NLGN4Y: variants seen among roughly 807,000 people sequenced by gnomAD.
The protein encoded by NLGN4Y is neuroligin 4 Y-linked, also known as neuroligin-4, Y-linked.
A neutral mutation model predicts 8.4 loss-of-function variants in NLGN4Y; 4 were observed. The ratio of observed to expected loss-of-function variants is 0.48; its 90% CI spans 0.23 to 1.09. The LOEUF is 1.09. Ranked by LOEUF, NLGN4Y falls within the 50% of genes least tolerant of loss-of-function variation. NLGN4Y has a pLI of 0.19. For synonymous variants in NLGN4Y, 35 were observed against 75.6 expected, an observed-to-expected ratio of 0.46 and a Z score of 2.78; for missense variants, 90 against 192.3, an observed-to-expected ratio of 0.47 and a Z score of 3.15.
chrY:14,608,647 G>T, intron 1 of NLGN4Y, among the ~76,000 whole-genome samples: 1 of 32,354 alleles, frequency 3.1e-5, no homozygotes, highest in Non-Finnish European at 7.6e-5. Flanking sequence ...GATGCCTCTA[G>T]CTTTGTTCTT....
At chrY:14,663,766 T>C in intron 2 of NLGN4Y, among the ~76,000 whole-genome samples, 1 of 32,933 alleles carries the variant, frequency 3.0e-5, no homozygotes, top group Non-Finnish European at 7.5e-5. Flanking sequence ...GCTGTGATTG[T>C]GTCATTGTAC....
chrY:14,533,855 C>T (rs2080122347), intron 1 of NLGN4Y, among the ~76,000 whole-genome samples: 1 of 33,029 alleles, frequency 3.0e-5, no homozygotes, highest in Non-Finnish European at 7.4e-5. Flanking sequence ...TGCTGGTTTT[C>T]GGTTCCTCTG....
chrY:14,563,342 G>A, intron 1 of NLGN4Y, among the ~76,000 whole-genome samples: 1 of 33,563 alleles, frequency 3.0e-5, no homozygotes, highest in Non-Finnish European at 7.4e-5. Flanking sequence ...GATGGATTAT[G>A]TTATTGATTT....
chrY:14,525,791 T>C, intron 1 of NLGN4Y, among the ~76,000 whole-genome samples: 2 of 32,303 alleles, frequency 6.2e-5, no homozygotes, highest in Non-Finnish European at 1.5e-4. Flanking sequence ...CATTATATTT[T>C]CTTAAAAGTG....
intron 2 of NLGN4Y, among the ~76,000 whole-genome samples, chrY:14,630,587 A>C (rs1048286924): frequency 3.0e-5 from 1 of 33,572 alleles, no homozygotes; most frequent in Non-Finnish European, 7.4e-5. Context: ...AAAACTAAGG[A>C]AGAGTTTTAT....
chrY:14,646,368 A>G, intron 2 of NLGN4Y, among the ~76,000 whole-genome samples: 5 of 33,619 alleles, frequency 1.5e-4, no homozygotes, highest in Non-Finnish European at 2.9e-4. Context: ...ATGTGTCTGA[A>G]TGGCTGCCTT....
At chrY:14,582,506 A>G in intron 1 of NLGN4Y, among the ~76,000 whole-genome samples, 3 of 33,146 alleles carry the variant, frequency 9.1e-5, no homozygotes, top group African/African-American at 3.6e-4. Context: ...TAGCTCATGC[A>G]TGTAATCCCA....
intron 2 of NLGN4Y, among the ~76,000 whole-genome samples, chrY:14,670,701 A>G (rs2080707329): frequency 3.0e-5 from 1 of 33,699 alleles, no homozygotes; most frequent in South Asian, 6.6e-4. Flanking sequence ...GTGTAAATGA[A>G]TTTTTTTGAG....
intron 4 of NLGN4Y, among the ~76,000 whole-genome samples, chrY:14,740,513 T>G: frequency 3.0e-5 from 1 of 33,390 alleles, no homozygotes; most frequent in Non-Finnish European, 7.4e-5. Flanking sequence ...CTTGTTTTCT[T>G]CCAATGGCAA....
chrY:14,800,666 ATACT>A, intron 4 of NLGN4Y, among the ~76,000 whole-genome samples: 1 of 30,877 alleles, frequency 3.2e-5, no homozygotes, highest in Non-Finnish European at 7.8e-5. Context: ...TATTATATAC[ATACT>A]TACATATTAT....
At chrY:14,541,452 C>T in intron 1 of NLGN4Y, among the ~76,000 whole-genome samples, 1 of 33,046 alleles carries the variant, frequency 3.0e-5, no homozygotes, top group African/African-American at 1.2e-4. Context: ...GATATACAGA[C>T]AACACCACAA....
chrY:14,709,342 G>A (rs868726860), intron 2 of NLGN4Y, among the ~76,000 whole-genome samples: 2 of 33,668 alleles, frequency 5.9e-5, no homozygotes, highest in African/African-American at 2.3e-4. Flanking sequence ...TTATATCTCA[G>A]TTAAGCTATT....
intron 1 of NLGN4Y, among the ~76,000 whole-genome samples, chrY:14,584,966 A>G: frequency 3.0e-5 from 1 of 32,872 alleles, no homozygotes; most frequent in Non-Finnish European, 7.4e-5. Flanking sequence ...AAAAAAATAA[A>G]AGATATATTT....
intron 3 of NLGN4Y, among the ~76,000 whole-genome samples, chrY:14,721,617 C>G: frequency 3.1e-5 from 1 of 32,279 alleles, no homozygotes; most frequent in Non-Finnish European, 7.6e-5. Flanking sequence ...ACCATCCAAA[C>G]GATGGTAATT....
chrY:14,596,762 G>T, intron 1 of NLGN4Y, among the ~76,000 whole-genome samples: 1 of 33,230 alleles, frequency 3.0e-5, no homozygotes, highest in Admixed American at 2.7e-4. Context: ...CTGGTATTTA[G>T]CCCCCGAATT....
At chrY:14,557,660 T>A (rs2080214665) in intron 1 of NLGN4Y, among the ~76,000 whole-genome samples, 2 of 33,312 alleles carry the variant, frequency 6.0e-5, no homozygotes, top group Non-Finnish European at 1.5e-4. Flanking sequence ...ATTATTATCC[T>A]TGTGGGAGTC....
intron 2 of NLGN4Y, among the ~76,000 whole-genome samples, chrY:14,689,976 A>C: frequency 3.0e-5 from 1 of 33,483 alleles, no homozygotes; most frequent in Admixed American, 2.7e-4. Context: ...AGAGTCAAAA[A>C]TTAAGACTGG....
At chrY:14,730,611 A>C in intron 4 of NLGN4Y, among the ~76,000 whole-genome samples, 2 of 32,509 alleles carry the variant, frequency 6.2e-5, no homozygotes, top group African/African-American at 2.4e-4. Context: ...GTATTCCACT[A>C]TTCCACTCTG....
At chrY:14,802,779 A>G (rs2043040990) in intron 4 of NLGN4Y, among the ~76,000 whole-genome samples, 1 of 23,155 alleles carries the variant, frequency 4.3e-5, no homozygotes, top group African/African-American at 1.7e-4. Context: ...AATATATTTC[A>G]TATTATGGAA....
Sources: allele counts gnomAD v4.1 joint callset (sites outside exome capture counted in the v4.1 genomes callset), GRCh38; gene constraint gnomAD v4.1.1; transcripts MANE v1.5; gene names NCBI Gene and HGNC (gene_info 2026-07-23, HGNC 2026-07-21).